CEP57: variants seen among roughly 807,000 people sequenced by gnomAD.
CEP57 encodes the protein centrosomal protein 57.
CEP57 carries 40 observed loss-of-function variants against 68.0 expected under a neutral mutation model. The observed-to-expected ratio is 0.59, with a 90% CI of 0.46 to 0.77. CEP57 has a LOEUF of 0.77. Among genes scored for constraint, CEP57 ranks in the 30% least tolerant of loss-of-function variants. The pLI is 0.00. For missense variants in CEP57, 606 were observed against 580.7 expected, an observed-to-expected ratio of 1.04 and a Z score of -0.45; for synonymous variants, 219 against 198.7, an observed-to-expected ratio of 1.10 and a Z score of -0.86.
rs780066541 is a variant in CEP57 at position 95,799,223 on chromosome 11, A to C, written c.46-9A>C. The stretch of plus-strand genomic sequence containing the variant: ...CTTTTGAAAGGTAATTTGTGTCTTT[A>C]TTTTTTAGAACAGCTTTGCTGAGCC... On this transcript the variant is annotated splice_polypyrimidine_tract_variant and intron_variant, in intron 1 of 10. Coordinates refer to ENST00000325542, the MANE Select transcript of CEP57 (RefSeq NM_014679.5). 6.2e-7 allele frequency: 1 copy of C among 1,613,846 alleles called. No homozygotes were observed. The highest frequency in any genetic ancestry group is 8.5e-7 in the Non-Finnish European group (1 of 1,179,924).
chr11:95,793,515 T>A (rs968951562), intron 1 of CEP57, among the ~76,000 whole-genome samples: 2 of 150,838 alleles, frequency 1.3e-5, no homozygotes, highest in African/African-American at 4.9e-5. Flanking sequence ...AAGATTTACT[T>A]TTTGAGAATA....
chr11:95,795,298 GTTTA>G (rs1200489146), intron 1 of CEP57, among the ~76,000 whole-genome samples: 5 of 152,098 alleles, frequency 3.3e-5, no homozygotes, highest in African/African-American at 1.2e-4. Flanking sequence ...ATATTGTTCA[GTTTA>G]TTTCTAGTTT....
intron 4 of CEP57, among the ~76,000 whole-genome samples, chr11:95,817,020 A>C (rs75154049): frequency 1.3e-5 from 2 of 151,842 alleles, no homozygotes; most frequent in East Asian, 1.9e-4. Flanking sequence ...CAAAAAAAAA[A>C]CAAAGTCTAT....
intron 1 of CEP57, among the ~76,000 whole-genome samples, chr11:95,796,368 A>G (rs1424289337): frequency 6.6e-6 from 1 of 152,168 alleles, no homozygotes; most frequent in Non-Finnish European, 1.5e-5. Context: ...TTTTTACTGA[A>G]TGCTTAGGGT....
chr11:95,808,276 A>G (rs947259574), intron 2 of CEP57, among the ~76,000 whole-genome samples: 4 of 152,220 alleles, frequency 2.6e-5, no homozygotes, highest in Admixed American at 2.6e-4. Context: ...CCAAATTGTA[A>G]AGACCATCGA....
chr11:95,805,886 TTTTC>T (rs1861777116), intron 2 of CEP57, among the ~76,000 whole-genome samples: 1 of 152,140 alleles, frequency 6.6e-6, no homozygotes, highest in Non-Finnish European at 1.5e-5. Context: ...CATTTAAAGT[TTTTC>T]TTTCAATACA....
chr11:95,821,197 TTTTTG>T (rs766404462), intron 6 of CEP57, among the ~76,000 whole-genome samples: 5 of 152,104 alleles, frequency 3.3e-5, no homozygotes, highest in African/African-American at 1.2e-4. Context: ...CCAGACAGGT[TTTTTG>T]TTTTGTTTTG....
At chr11:95,822,288 T>C (rs1862550258) in intron 7 of CEP57, 1 of 590,658 alleles carries the variant, frequency 1.7e-6, no homozygotes, top group Non-Finnish European at 3.0e-6. Context: ...GTAACTGTTG[T>C]TTTGTCAAGT....
intron 3 of CEP57, 130 bp downstream of exon 3, chr11:95,813,241 GT>G: frequency 9.2e-7 from 1 of 1,087,868 alleles, no homozygotes; most frequent in African/African-American, 1.6e-5. Context: ...TTGTATTCTG[GT>G]GCATTTTGAG....
chr11:95,819,850 A>G (rs1862450278), intron 6 of CEP57, among the ~76,000 whole-genome samples: 1 of 152,208 alleles, frequency 6.6e-6, no homozygotes, highest in African/African-American at 2.4e-5. Flanking sequence ...CTTATTTTGT[A>G]TTAAATCTGA....
At chr11:95,811,544 C>T (rs552651992) in intron 2 of CEP57, among the ~76,000 whole-genome samples, 23 of 148,676 alleles carry the variant, frequency 1.5e-4, no homozygotes, top group Middle Eastern at 3.6e-3. Flanking sequence ...CAAACCTGCA[C>T]GTTGAGCACA....
chr11:95,825,975 ATGG>A (rs958915687), intron 8 of CEP57: 6 of 152,174 alleles, frequency 3.9e-5, no homozygotes, highest in Non-Finnish European at 7.3e-5. Flanking sequence ...ACTAAAACAA[ATGG>A]TGGAAGAATT....
At chr11:95,829,373 A>AG (rs1484069938) in intron 10 of CEP57, 42 bp downstream of exon 10, 1 of 1,573,994 alleles carries the variant, frequency 6.4e-7, no homozygotes, top group Admixed American at 1.7e-5. Flanking sequence ...ATGATTAAGA[A>AG]AAAAAAAACA....
intron 2 of CEP57, 86 bp downstream of exon 2, chr11:95,799,474 AG>A: frequency 6.6e-7 from 1 of 1,514,500 alleles, no homozygotes; most frequent in South Asian, 1.1e-5. Flanking sequence ...TTTTGCCATT[AG>A]AGGAAAATAT....
In CEP57 at chr11:95,816,503, T is replaced by G. The variant is rs147324974; in HGVS notation, c.505-1284T>G. ...AGGGGTCAGTTTAATAAGACAACTT[T>G]AAGATGTTTTGACTAATATATGTCT... On this transcript the variant is annotated intron_variant, in intron 4 of 10. Coordinates refer to ENST00000325542, the MANE Select transcript of CEP57 (RefSeq NM_014679.5). 6.5e-3 allele frequency among the ~76,000 whole-genome samples: 989 copies of G among 152,304 alleles called. 27 individuals carry two copies. Among genetic ancestry groups the G allele is most frequent in the Admixed American group, 0.042 (646 of 15,298 alleles).
chr11:95,801,834 A>G (rs1050680963), intron 2 of CEP57, among the ~76,000 whole-genome samples: 2 of 152,098 alleles, frequency 1.3e-5, no homozygotes, highest in Admixed American at 6.6e-5. Flanking sequence ...CAGGGAGGAG[A>G]CGGAGAGGAG....
intron 2 of CEP57, among the ~76,000 whole-genome samples, chr11:95,801,627 T>C (rs1861584289): frequency 6.6e-6 from 1 of 152,046 alleles, no homozygotes; most frequent in Non-Finnish European, 1.5e-5. Context: ...CTAGTTCTGA[T>C]CTTTACACCC....
chr11:95,798,811 T>C (rs1189552486), intron 1 of CEP57, among the ~76,000 whole-genome samples: 2 of 152,246 alleles, frequency 1.3e-5, no homozygotes, highest in Non-Finnish European at 2.9e-5. Flanking sequence ...TCTGGAGTTT[T>C]GAATACTATA....
At position 95,818,911 on chromosome 11, in the gene CEP57, T is replaced by C. The variant is rs969211120; in HGVS notation, c.699+7T>C. On this transcript the variant is annotated splice_region_variant and intron_variant, in intron 6 of 10. Transcript: ENST00000325542. ...GCAAGCTAAGGCAGCTGAGGTAAGT[T>C]AAAATGTGAGAAAGTGGGCTCTTCA... 9 of 1,610,552 alleles carry C rather than the reference T, an allele frequency of 5.6e-6. No homozygotes were observed. The highest frequency in any genetic ancestry group is 1.3e-5 in the African/African-American group (1 of 74,880).
Sources: gnomAD v4.1 joint callset for allele counts (sites outside exome capture counted in the v4.1 genomes callset) on GRCh38, gnomAD v4.1.1 for gene constraint, MANE v1.5 for transcripts, NCBI Gene and HGNC (gene_info 2026-07-23, HGNC 2026-07-21) for gene names.